The following HECW2 variants were observed in gnomAD, a reference collection of about 807,000 sequenced individuals.
HECW2 encodes HECT, C2 and WW domain containing E3 ubiquitin protein ligase 2, also known as E3 ubiquitin-protein ligase HECW2.
HECW2 carries 61 observed loss-of-function variants against 175.2 expected under a neutral mutation model. That is an observed-to-expected ratio of 0.35 (90% confidence interval 0.28 to 0.43). The LOEUF (loss-of-function observed/expected upper bound fraction) is 0.43. Among genes scored for constraint, HECW2 ranks in the 20% least tolerant of loss-of-function variants. The probability of loss-of-function intolerance (pLI) is 1.00; values close to 1 mark genes in which losing one functional copy is unlikely to be tolerated. For synonymous variants in HECW2, 671 were observed against 731.0 expected, an observed-to-expected ratio of 0.92 and a Z score of 1.32; for missense variants, 1,524 against 2,000.5, an observed-to-expected ratio of 0.76 and a Z score of 4.54.
At chr2:196,265,842 C>T (rs531798890) in intron 17 of HECW2, among the ~76,000 whole-genome samples, 172 of 152,266 alleles carry the variant, frequency 1.1e-3, no homozygotes, top group African/African-American at 3.8e-3. Flanking sequence ...TGTTTAATGT[C>T]TCATTCGAAG....
intron 1 of HECW2, among the ~76,000 whole-genome samples, chr2:196,550,839 G>A (rs10189882): frequency 0.051 from 7,694 of 152,236 alleles, 645 homozygotes; most frequent in African/African-American, 0.17. Context: ...TACATGATCA[G>A]TGAGAACATC....
intron 12 of HECW2, 106 bp downstream of exon 12, chr2:196,307,024 T>C (rs1478687682): frequency 1.4e-6 from 1 of 723,400 alleles, no homozygotes; most frequent in African/African-American, 1.8e-5. Flanking sequence ...CAGATCTTAT[T>C]GAAGAGCAAA....
intron 2 of HECW2, among the ~76,000 whole-genome samples, chr2:196,416,486 T>C (rs987131384): frequency 6.6e-6 from 1 of 152,238 alleles, no homozygotes. Flanking sequence ...TAAACCTCTA[T>C]GAGCCTCCAT....
intron 1 of HECW2, among the ~76,000 whole-genome samples, chr2:196,518,176 T>C (rs1289780991): frequency 6.6e-6 from 1 of 152,148 alleles, no homozygotes; most frequent in Non-Finnish European, 1.5e-5. Flanking sequence ...TTTGTGATGA[T>C]GTTACAGGTC....
intron 2 of HECW2, among the ~76,000 whole-genome samples, chr2:196,422,158 C>T (rs1459592961): frequency 2.0e-5 from 3 of 152,144 alleles, no homozygotes; most frequent in Admixed American, 1.3e-4. Flanking sequence ...TTTCTAACCC[C>T]TAGTATCTAT....
chr2:196,260,990 G>A (rs546524916), intron 17 of HECW2, among the ~76,000 whole-genome samples: 2 of 152,150 alleles, frequency 1.3e-5, no homozygotes, highest in African/African-American at 2.4e-5. Flanking sequence ...ATATGACTTC[G>A]GGTCCCATGT....
chr2:196,312,632 G>A (rs1338371983), intron 10 of HECW2, among the ~76,000 whole-genome samples: 2 of 152,168 alleles, frequency 1.3e-5, no homozygotes, highest in Non-Finnish European at 2.9e-5. Context: ...GGGACTTCTA[G>A]AATGCTGATG....
chr2:196,237,727 C>T (rs1043745528), intron 21 of HECW2, among the ~76,000 whole-genome samples: 1 of 152,178 alleles, frequency 6.6e-6, no homozygotes, highest in Non-Finnish European at 1.5e-5. Context: ...GGTTTATAAT[C>T]AATAGCCTTG....
intron 13 of HECW2, among the ~76,000 whole-genome samples, chr2:196,294,887 T>C (rs1559017937): frequency 6.6e-6 from 1 of 152,228 alleles, no homozygotes; most frequent in Non-Finnish European, 1.5e-5. Flanking sequence ...AGTAATCCTT[T>C]GTTAGCTTAA....
chr2:196,571,542 C>A (rs1482065819), intron 1 of HECW2, among the ~76,000 whole-genome samples: 1 of 151,992 alleles, frequency 6.6e-6, no homozygotes, highest in African/African-American at 2.4e-5. Flanking sequence ...AACCCCAAGT[C>A]TACTAAAAAT....
At chr2:196,303,379 A>G (rs933441619) in intron 13 of HECW2, among the ~76,000 whole-genome samples, 4 of 152,098 alleles carry the variant, frequency 2.6e-5, no homozygotes, top group African/African-American at 9.7e-5. Context: ...TTTTTCTGTT[A>G]TATCTCTGCC....
intron 19 of HECW2, among the ~76,000 whole-genome samples, chr2:196,245,145 AAAG>A (rs1215474099): frequency 3.3e-5 from 5 of 152,210 alleles, no homozygotes; most frequent in Non-Finnish European, 7.3e-5. Flanking sequence ...GATAAGCAAG[AAAG>A]AAGAATGGGA....
At chr2:196,519,490 T>C (rs1054547924) in intron 1 of HECW2, among the ~76,000 whole-genome samples, 10 of 152,220 alleles carry the variant, frequency 6.6e-5, no homozygotes, top group African/African-American at 2.2e-4. Context: ...TCTTAAAATA[T>C]GTAATATGAA....
At chr2:196,364,787 G>T (rs142611635) in intron 2 of HECW2, among the ~76,000 whole-genome samples, 182 of 152,252 alleles carry the variant, frequency 1.2e-3, no homozygotes, top group African/African-American at 4.1e-3. Context: ...TATGACACAT[G>T]CTACAAAGGA....
intron 1 of HECW2, among the ~76,000 whole-genome samples, chr2:196,486,753 CAAG>C (rs1199322954): frequency 1.3e-5 from 2 of 152,166 alleles, no homozygotes; most frequent in East Asian, 3.9e-4. Context: ...AACTATTAAA[CAAG>C]AATAGAAATC....
chr2:196,387,352 C>T (rs543892980), intron 2 of HECW2, among the ~76,000 whole-genome samples: 1 of 152,170 alleles, frequency 6.6e-6, no homozygotes, highest in African/African-American at 2.4e-5. Flanking sequence ...GGATAAAGCC[C>T]TCATGAATGT....
intron 2 of HECW2, among the ~76,000 whole-genome samples, chr2:196,348,332 C>T (rs1693036537): frequency 6.6e-6 from 1 of 151,882 alleles, no homozygotes; most frequent in Non-Finnish European, 1.5e-5. Flanking sequence ...TTTCAAAATG[C>T]CCCCAACCCA....
At chr2:196,407,949 A>T (rs1302232244) in intron 2 of HECW2, among the ~76,000 whole-genome samples, 2 of 152,240 alleles carry the variant, frequency 1.3e-5, no homozygotes, top group Non-Finnish European at 2.9e-5. Context: ...CAGATTGGTT[A>T]TTCTATCTCA....
intron 1 of HECW2, among the ~76,000 whole-genome samples, chr2:196,472,802 G>A (rs1014505177): frequency 1.3e-5 from 2 of 152,052 alleles, no homozygotes; most frequent in African/African-American, 4.8e-5. Context: ...TGTATTTTTA[G>A]TAGAGACGGG....
Sources: allele counts gnomAD v4.1 joint callset (sites outside exome capture counted in the v4.1 genomes callset), GRCh38; gene constraint gnomAD v4.1.1; transcripts MANE v1.5; gene names NCBI Gene and HGNC (gene_info 2026-07-23, HGNC 2026-07-21).